The following ODAD3 variants were observed in gnomAD, a reference collection of about 807,000 sequenced individuals.
ODAD3 encodes outer dynein arm docking complex subunit 3, also known as outer dynein arm-docking complex subunit 3.
A neutral mutation model predicts 70.9 loss-of-function variants in ODAD3; 57 were observed. That is an observed-to-expected ratio of 0.80 (90% CI 0.65 to 1.00). The LOEUF (loss-of-function observed/expected upper bound fraction) is 1.00, where lower values mean the gene tolerates loss of function less well. Among genes scored for constraint, ODAD3 ranks in the 50% least tolerant of loss-of-function variants. ODAD3 has a pLI of 0.00. For synonymous variants in ODAD3, 327 were observed against 315.9 expected (o/e 1.04, Z -0.37); for missense variants, 797 against 763.9 (o/e 1.04, Z -0.51).
intron 3 of ODAD3, among the ~76,000 whole-genome samples, chr19:11,430,269 C>T (rs1043935111): frequency 5.3e-5 from 8 of 152,108 alleles, no homozygotes; most frequent in African/African-American, 1.9e-4. Flanking sequence ...TCCCGAGTAG[C>T]TGGGATTACA....
intron 7 of ODAD3, among the ~76,000 whole-genome samples, chr19:11,425,441 GTA>G (rs1182188314): frequency 7.3e-6 from 1 of 136,820 alleles, no homozygotes; most frequent in Non-Finnish European, 1.5e-5. Flanking sequence ...ATGTGTATAT[GTA>G]TATATACATA....
intron 7 of ODAD3, among the ~76,000 whole-genome samples, chr19:11,424,957 A>T (rs186681700): frequency 2.1e-5 from 2 of 93,082 alleles, no homozygotes; most frequent in Non-Finnish European, 2.2e-5. Context: ...GTATATGTAC[A>T]TATGTGTATA....
chr19:11,423,839 G>C (rs750541315), intron 8 of ODAD3, 38 bp downstream of exon 8: 4 of 1,341,230 alleles, frequency 3.0e-6, no homozygotes, highest in African/African-American at 3.0e-5. Context: ...CTGGGGTGGG[G>C]GGGGGGCGCG....
chr19:11,425,350 T>A (rs1323969835), intron 7 of ODAD3, among the ~76,000 whole-genome samples: 3 of 137,960 alleles, frequency 2.2e-5, no homozygotes, highest in African/African-American at 8.6e-5. Flanking sequence ...TATGTATATA[T>A]GTGTATATGT....
intron 1 of ODAD3, chr19:11,434,367 C>T (rs1969593769): frequency 6.4e-6 from 1 of 156,892 alleles, no homozygotes; most frequent in Admixed American, 6.2e-5. Flanking sequence ...GGTGAAATCC[C>T]TCTGTACTAA....
chr19:11,429,585 T>G (rs201635481), intron 3 of ODAD3, among the ~76,000 whole-genome samples: 1 of 151,910 alleles, frequency 6.6e-6, no homozygotes, highest in African/African-American at 2.4e-5. Flanking sequence ...AATTTTTGTA[T>G]TTTTAGTAAA....
At chr19:11,421,584 A>G in intron 11 of ODAD3, 93 bp downstream of exon 11, 2 of 1,472,820 alleles carry the variant, frequency 1.4e-6, no homozygotes, top group Non-Finnish European at 9.2e-7. Flanking sequence ...TCAGCCTGCA[A>G]TCTGGTCTCC....
intron 1 of ODAD3, among the ~76,000 whole-genome samples, chr19:11,434,219 C>CA (rs1555724365): frequency 1.5e-5 from 2 of 137,202 alleles, no homozygotes; most frequent in African/African-American, 5.5e-5. Flanking sequence ...TCTCAAAAAA[C>CA]AAAAAACAAA....
In ODAD3 at chr19:11,420,892, G is replaced by A. The variant is rs1441090669; in HGVS notation, c.1731C>T (p.Ile577=). 6.2e-7 allele frequency: 1 copy of A among 1,614,000 alleles called. No homozygotes were observed. The highest frequency in any genetic ancestry group is 1.1e-5 in the South Asian group (1 of 91,078). ...NEVVTRASLK[I]RSQKLIESHK... is the part of the protein sequence containing the mutation. ...GACTTTCGATTAATTTCTGGGAACG[G>A]ATCTTGAGTGATGCGCGGGTCACTA... is the stretch of plus-strand genomic sequence containing the variant. The change falls in exon 13 of 13, where the codon ATC becomes ATT. Residue 577 remains isoleucine, a synonymous_variant. Transcript: ENST00000356392.
intron 3 of ODAD3, among the ~76,000 whole-genome samples, chr19:11,429,814 G>C (rs1212633534): frequency 6.7e-6 from 1 of 150,068 alleles, no homozygotes; most frequent in East Asian, 2.0e-4. Context: ...CTGGGATTAC[G>C]GGCGTGAGCC....
chr19:11,421,906 T>A, intron 10 of ODAD3, 74 bp from the exon 11 acceptor site: 3 of 1,514,618 alleles, frequency 2.0e-6, no homozygotes. Context: ...GGGCGGGGCT[T>A]TTCTTTCGGG....
At chr19:11,434,745 C>G (rs200902280) in intron 1 of ODAD3, 28 bp downstream of exon 1, 13 of 1,587,716 alleles carry the variant, frequency 8.2e-6, no homozygotes, top group Admixed American at 1.7e-5. Flanking sequence ...TGACCCCTGA[C>G]CCTCTGTACC....
At chr19:11,431,145 C>G in intron 1 of ODAD3, 125 bp from the exon 2 acceptor site, 2 of 1,266,976 alleles carry the variant, frequency 1.6e-6, no homozygotes, top group Non-Finnish European at 2.2e-6. Context: ...GAGTTTCACT[C>G]TTGTTGCCCA....
rs772883830 is a variant in ODAD3, at chr19:11,420,951, A to T, written c.1676-4T>A. 2.3e-5 allele frequency: 31 copies of T among 1,367,152 alleles called. No homozygotes were observed. Among genetic ancestry groups the T allele is most frequent in the African/African-American group, 2.9e-5 (2 of 69,734 alleles). 84.7% of individuals were successfully genotyped at this position (1,367,152 alleles called of 1,614,324 possible). On this transcript the variant is annotated splice_polypyrimidine_tract_variant and splice_region_variant and intron_variant, in intron 12 of 12. Transcript: ENST00000356392. ...TCCTCCTCCTCACTCTCTTCGTCTA[A>T]GGGGGGTGGGGGGATGAGCAGGGAG...
At position 11,421,826 on chromosome 19, in the gene ODAD3, C is replaced by G. The variant is rs769663421; in HGVS notation, c.1441G>C (p.Gly481Arg). Reference sequence around the variant, plus strand: ...TCCAGCTCCTTTCCCGCGAAGCGGCCGTCCTCCTGCGGCCAGGGTAGAGCC... The same window carrying G: ...TCCAGCTCCTTTCCCGCGAAGCGGCGGTCCTCCTGCGGCCAGGGTAGAGCC... ...SKLIHITVED[G>R]RFAGKELDPQ... is the part of the protein sequence containing the mutation. The change falls in exon 11 of 13, where the codon GGC (glycine) becomes CGC (arginine). Residue 481 changes from glycine (G) to arginine (R), a missense_variant. Gly to Arg is a moderately radical substitution (Grantham distance 125, BLOSUM62 -2). Transcript: ENST00000356392. 6.2e-7 allele frequency: 1 copy of G among 1,612,252 alleles called. No homozygotes were observed.
In ODAD3 at chr19:11,424,606, T is replaced by C. The variant is rs901760429; in HGVS notation, c.964-577A>G. Among the ~76,000 whole-genome samples the C allele has an allele frequency of 8.7e-4, 116 of 133,738 alleles. 2 individuals carry two copies. The highest frequency in any genetic ancestry group is 3.8e-3 in the African/African-American group (113 of 30,024). The allele number at this position is 133,738 out of a possible 152,430, so 87.7% of individuals were successfully genotyped here. ...ATACCTATGTGTATAAATATATATGTGTATATATACCTATGTGTATATATG... is the reference window on the plus strand; with the variant it reads ...ATACCTATGTGTATAAATATATATGCGTATATATACCTATGTGTATATATG... On this transcript the variant is annotated intron_variant, in intron 7 of 12. Transcript: ENST00000356392.
chr19:11,425,371 A>C (rs1018335601), intron 7 of ODAD3, among the ~76,000 whole-genome samples: 3 of 132,874 alleles, frequency 2.3e-5, no homozygotes, highest in Non-Finnish European at 4.6e-5. Context: ...ACATATGTGT[A>C]TATATGTGTG....
In ODAD3 at chr19:11,421,035, C is replaced by A; in HGVS notation, c.1676-88G>T. Reference sequence around the variant, plus strand: ...CCTTCCCTTTACCACCCCACTCCACCCCCACCTTGGCCCTGAACAGGGTAT... The same window carrying A: ...CCTTCCCTTTACCACCCCACTCCACACCCACCTTGGCCCTGAACAGGGTAT... On this transcript the variant is annotated intron_variant, in intron 12 of 12. Coordinates refer to ENST00000356392, the MANE Select transcript of ODAD3 (RefSeq NM_145045.5). 5 of 1,579,860 alleles carry A rather than the reference C, an allele frequency of 3.2e-6. No individual in the cohort carries two copies. In the South Asian group the frequency reaches 4.4e-5, roughly 14 times the overall value.
chr19:11,422,666 G>T lies in ODAD3; in HGVS notation c.1277+35C>A. 6.2e-7 allele frequency: 1 copy of T among 1,605,644 alleles called. No individual in the cohort carries two copies. ...GGAGGTCACCCCGGGGGCTCAGCCCGCCCCGCCGCCCTCCCCAGAGCCCCG... is the reference window on the plus strand; with the variant it reads ...GGAGGTCACCCCGGGGGCTCAGCCCTCCCCGCCGCCCTCCCCAGAGCCCCG... On this transcript the variant is annotated intron_variant, in intron 9 of 12. Coordinates refer to ENST00000356392, the MANE Select transcript of ODAD3 (RefSeq NM_145045.5). This position sits in a 1 kb window ranked among gnomAD's most constrained non-coding sequence, Gnocchi z 4.6.
Sources: gnomAD v4.1 joint callset for allele counts (sites outside exome capture counted in the v4.1 genomes callset) on GRCh38, gnomAD v4.1.1 for gene constraint, Gnocchi (gnomAD v3.1) non-coding constraint, MANE v1.5 for transcripts, NCBI Gene and HGNC (gene_info 2026-07-23, HGNC 2026-07-21) for gene names.